GRIP1: variants seen among roughly 807,000 people sequenced by gnomAD.
GRIP1 encodes glutamate receptor interacting protein 1, also known as glutamate receptor-interacting protein 1.
GRIP1 carries 45 observed loss-of-function variants against 129.9 expected under a neutral mutation model. That is an observed-to-expected ratio of 0.35 (90% confidence interval 0.27 to 0.44). GRIP1 has a LOEUF of 0.44. Among genes scored for constraint, GRIP1 ranks in the 20% least tolerant of loss-of-function variants. The pLI is 1.00. For missense variants in GRIP1, 1,196 were observed against 1,396.8 expected (o/e 0.86, Z 2.29); for synonymous variants, 530 against 520.8 (o/e 1.02, Z -0.24).
intron 1 of GRIP1, among the ~76,000 whole-genome samples, chr12:67,014,560 T>G (rs2042756369): frequency 6.6e-6 from 1 of 152,146 alleles, no homozygotes; most frequent in Non-Finnish European, 1.5e-5. Context: ...AAGCAACTTT[T>G]TCCCAAAAAG....
chr12:66,665,349 G>A (rs187867190), intron 1 of GRIP1, among the ~76,000 whole-genome samples: 1 of 152,238 alleles, frequency 6.6e-6, no homozygotes, highest in East Asian at 1.9e-4. Context: ...ACAAAGAATA[G>A]TACACAATTC....
intron 1 of GRIP1, among the ~76,000 whole-genome samples, chr12:67,024,623 A>T (rs1345739525): frequency 6.6e-6 from 1 of 152,310 alleles, no homozygotes; most frequent in East Asian, 1.9e-4. Flanking sequence ...TCTAAATGCA[A>T]AGTCTAAATT....
At chr12:66,654,756 C>T (rs1314767706) in intron 1 of GRIP1, among the ~76,000 whole-genome samples, 1 of 151,932 alleles carries the variant, frequency 6.6e-6, no homozygotes, top group African/African-American at 2.4e-5. Flanking sequence ...GATGTCTGCG[C>T]CATTATGTAC....
intron 1 of GRIP1, among the ~76,000 whole-genome samples, chr12:66,742,164 C>T (rs765681898): frequency 1.3e-5 from 2 of 152,118 alleles, no homozygotes; most frequent in Non-Finnish European, 2.9e-5. Context: ...GTACTGAAAA[C>T]TCCATAAAGT....
chr12:66,928,352 A>G (rs987168267), intron 1 of GRIP1, among the ~76,000 whole-genome samples: 2 of 152,226 alleles, frequency 1.3e-5, no homozygotes, highest in African/African-American at 4.8e-5. Flanking sequence ...AAGGAAAACA[A>G]TATTTATCAC....
At chr12:66,480,978 T>C (rs2059786247) in intron 7 of GRIP1, among the ~76,000 whole-genome samples, 1 of 152,062 alleles carries the variant, frequency 6.6e-6, no homozygotes, top group Non-Finnish European at 1.5e-5. Flanking sequence ...ACCTAGGCAA[T>C]ATTATTCAGG....
At chr12:66,868,269 T>G (rs1375869458) in intron 1 of GRIP1, among the ~76,000 whole-genome samples, 1 of 151,838 alleles carries the variant, frequency 6.6e-6, no homozygotes, top group Non-Finnish European at 1.5e-5. Context: ...TGGCAAACAG[T>G]GAAGCAACAG....
At chr12:66,762,227 C>G (rs868657206) in intron 1 of GRIP1, among the ~76,000 whole-genome samples, 1 of 152,150 alleles carries the variant, frequency 6.6e-6, no homozygotes, top group African/African-American at 2.4e-5. Flanking sequence ...GAACTTTCCT[C>G]AATAGTAAGT....
At chr12:66,681,595 A>T (rs1321694598), upstream of GRIP1, among the ~76,000 whole-genome samples, 1 of 152,162 alleles carries the variant, frequency 6.6e-6, no homozygotes, top group East Asian at 1.9e-4. Flanking sequence ...CATGTTAATT[A>T]TGGTGGCTCA....
upstream of GRIP1, among the ~76,000 whole-genome samples, chr12:66,808,065 A>C (rs2039030871): frequency 6.6e-6 from 1 of 151,868 alleles, no homozygotes; most frequent in Non-Finnish European, 1.5e-5. Flanking sequence ...TTAGTAGTGT[A>C]GTTCAAGTCC....
chr12:66,468,134 G>T (rs1044917375), intron 7 of GRIP1, among the ~76,000 whole-genome samples: 1 of 152,196 alleles, frequency 6.6e-6, no homozygotes, highest in African/African-American at 2.4e-5. Context: ...GCAGCAAGGT[G>T]TAGCCATAGG....
intron 16 of GRIP1, among the ~76,000 whole-genome samples, chr12:66,403,334 A>G (rs902518407): frequency 6.6e-6 from 1 of 151,968 alleles, no homozygotes; most frequent in African/African-American, 2.4e-5. Flanking sequence ...GTTTTAAAAC[A>G]TTTGCTCTTT....
intron 2 of GRIP1, among the ~76,000 whole-genome samples, chr12:66,561,428 C>T (rs377094406): frequency 1.3e-5 from 2 of 151,998 alleles, no homozygotes; most frequent in Admixed American, 6.6e-5. Flanking sequence ...TGTATCAAAA[C>T]ATCTCATGTA....
intron 19 of GRIP1, among the ~76,000 whole-genome samples, chr12:66,390,504 C>A (rs1410067571): frequency 2.6e-5 from 4 of 152,094 alleles, no homozygotes; most frequent in African/African-American, 9.7e-5. Context: ...AAATGCTTCA[C>A]AAATAGTAAA....
At chr12:66,422,879 T>C (rs1282874965) in intron 14 of GRIP1, among the ~76,000 whole-genome samples, 1 of 152,148 alleles carries the variant, frequency 6.6e-6, no homozygotes, top group Non-Finnish European at 1.5e-5. Flanking sequence ...TCCAGATCTG[T>C]ATGAGATCCT....
chr12:66,631,018 C>T (rs1434728870), intron 1 of GRIP1, among the ~76,000 whole-genome samples: 1 of 152,072 alleles, frequency 6.6e-6, no homozygotes, highest in African/African-American at 2.4e-5. Context: ...TCACTGCAAC[C>T]TCCGCCTCCC....
At chr12:66,654,601 G>T (rs978625114) in intron 1 of GRIP1, among the ~76,000 whole-genome samples, 17 of 152,202 alleles carry the variant, frequency 1.1e-4, no homozygotes, top group Non-Finnish European at 2.1e-4. Context: ...ACCAGGAAGA[G>T]AAGTTGAACT....
chr12:67,026,552 G>T (rs11176539), intron 1 of GRIP1, among the ~76,000 whole-genome samples: 1 of 152,108 alleles, frequency 6.6e-6, no homozygotes, highest in African/African-American at 2.4e-5. Context: ...ATAAATGTTA[G>T]CTCCTGTCAT....
intron 7 of GRIP1, among the ~76,000 whole-genome samples, chr12:66,510,122 T>C (rs886711055): frequency 2.6e-5 from 4 of 152,208 alleles, no homozygotes; most frequent in Non-Finnish European, 5.9e-5. Flanking sequence ...ATTGAGCACA[T>C]ATGATGTGCC....
Sources: allele counts gnomAD v4.1 joint callset (sites outside exome capture counted in the v4.1 genomes callset), GRCh38; gene constraint gnomAD v4.1.1; transcripts MANE v1.5; gene names NCBI Gene and HGNC (gene_info 2026-07-23, HGNC 2026-07-21).